NCOA3: variants seen among roughly 807,000 people sequenced by gnomAD.
NCOA3 encodes CBP-interacting protein.
NCOA3 carries 51 observed loss-of-function variants against 158.8 expected under a neutral mutation model. That is an observed-to-expected ratio of 0.32 (90% CI 0.26 to 0.41). The LOEUF is 0.41. Among genes scored for constraint, NCOA3 ranks in the 10% least tolerant of loss-of-function variants. NCOA3 has a pLI of 1.00. For synonymous variants in NCOA3, 537 were observed against 592.4 expected, an observed-to-expected ratio of 0.91 and a Z score of 1.36; for missense variants, 1,510 against 1,746.6, an observed-to-expected ratio of 0.86 and a Z score of 2.41.
At chr20:47,573,010 T>C (rs1204424251) in intron 1 of NCOA3, among the ~76,000 whole-genome samples, 2 of 152,166 alleles carry the variant, frequency 1.3e-5, no homozygotes, top group Non-Finnish European at 2.9e-5. Flanking sequence ...ATTGGAGCAG[T>C]GAGAATATAC....
Position 47,639,233 on chromosome 20 carries a change from ATT to A in NCOA3, c.2707+34_2707+35del, listed in dbSNP as rs1439206228. The A allele has an allele frequency of 1.9e-6, 3 of 1,546,064 alleles. No homozygotes were observed. In the African/African-American group the frequency reaches 4.1e-5, roughly 21 times the overall value. ...TTATTTCTAATTAGTATGTATGATT[ATT>A]TTGGGAAAAGCATATTTAAAATACT... On this transcript the variant is annotated intron_variant, in intron 14 of 22. Coordinates refer to ENST00000371998, the MANE Select transcript of NCOA3 (RefSeq NM_181659.3).
chr20:47,627,796 C>CA, intron 7 of NCOA3, 47 bp downstream of exon 7: 7 of 1,592,762 alleles, frequency 4.4e-6, no homozygotes, highest in Non-Finnish European at 5.1e-6. Flanking sequence ...AAATAGTGGC[C>CA]ATACTTGGAG....
chr20:47,519,540 G>A (rs2084292448), intron 1 of NCOA3, among the ~76,000 whole-genome samples: 1 of 152,152 alleles, frequency 6.6e-6, no homozygotes, highest in South Asian at 2.1e-4. Flanking sequence ...GAGAAACAAG[G>A]GAGAAGATGG....
intron 1 of NCOA3, among the ~76,000 whole-genome samples, chr20:47,531,788 G>A (rs971166895): frequency 6.6e-6 from 1 of 152,028 alleles, no homozygotes; most frequent in African/African-American, 2.4e-5. Context: ...TTTTACCTCT[G>A]TCAACTTTCC....
intron 1 of NCOA3, among the ~76,000 whole-genome samples, chr20:47,524,589 AATAG>A (rs1263206096): frequency 6.6e-6 from 1 of 152,188 alleles, no homozygotes; most frequent in Non-Finnish European, 1.5e-5. Flanking sequence ...CAGAAGGTTT[AATAG>A]ATAAGAAGTG....
intron 2 of NCOA3, among the ~76,000 whole-genome samples, chr20:47,604,915 G>A (rs1272178645): frequency 6.6e-6 from 1 of 152,110 alleles, no homozygotes; most frequent in African/African-American, 2.4e-5. Context: ...CACTCAGGCT[G>A]GAGTGCAGTG....
chr20:47,544,919 C>T (rs2084803776), intron 1 of NCOA3, among the ~76,000 whole-genome samples: 1 of 152,070 alleles, frequency 6.6e-6, no homozygotes, highest in South Asian at 2.1e-4. Context: ...TTCATTTTCT[C>T]TAATAAATTC....
intron 8 of NCOA3, chr20:47,630,304 CTTA>C (rs1161044692): frequency 6.6e-6 from 1 of 152,116 alleles, no homozygotes; most frequent in Non-Finnish European, 1.5e-5. Context: ...TTTCTGTCAG[CTTA>C]TTCAATATTA....
intron 2 of NCOA3, among the ~76,000 whole-genome samples, chr20:47,587,734 A>G (rs565790997): frequency 2.6e-5 from 4 of 152,138 alleles, no homozygotes; most frequent in Admixed American, 1.3e-4. Context: ...TTTTTGATCC[A>G]TGGATGCAGA....
rs961395844 is a variant in NCOA3 at position 47,644,081 on chromosome 20, G to GT, written c.3252+1706dup. On this transcript the variant is annotated intron_variant, in intron 17 of 22. Coordinates refer to ENST00000371998, the MANE Select transcript of NCOA3 (RefSeq NM_181659.3). ...TCTTTATTAACCTTATCTCTCCTGT[G>GT]TTTTTTTTTCTGACCTACTTTTCTG... is the stretch of plus-strand genomic sequence containing the variant. 7.6e-3 allele frequency among the ~76,000 whole-genome samples: 1,099 copies of GT among 144,842 alleles called. 14 individuals carry two copies. The highest frequency in any genetic ancestry group is 0.026 in the African/African-American group (1,032 of 39,412).
intron 1 of NCOA3, among the ~76,000 whole-genome samples, chr20:47,535,487 C>T (rs117164926): frequency 0.015 from 2,317 of 151,832 alleles, 19 homozygotes; most frequent in Non-Finnish European, 0.022. Flanking sequence ...CACACACGGA[C>T]TTGGAGAATG....
chr20:47,502,966 T>G (rs2146034166), intron 1 of NCOA3, among the ~76,000 whole-genome samples: 1 of 152,230 alleles, frequency 6.6e-6, no homozygotes, highest in South Asian at 2.1e-4. Flanking sequence ...AGTCGAAACT[T>G]TTTTCCCCCT....
chr20:47,510,958 TTGC>T (rs2084113786), intron 1 of NCOA3, among the ~76,000 whole-genome samples: 1 of 152,054 alleles, frequency 6.6e-6, no homozygotes, highest in Non-Finnish European at 1.5e-5. Flanking sequence ...CATCTTTAAT[TTGC>T]TGCTGCTTGG....
At chr20:47,593,504 G>A (rs1013234975) in intron 2 of NCOA3, among the ~76,000 whole-genome samples, 3 of 150,280 alleles carry the variant, frequency 2.0e-5, no homozygotes, top group African/African-American at 7.4e-5. Context: ...ACCACGCCCG[G>A]CTAATTTTTT....
chr20:47,568,082 A>G (rs569855603), intron 1 of NCOA3, among the ~76,000 whole-genome samples: 2 of 152,344 alleles, frequency 1.3e-5, no homozygotes, highest in African/African-American at 4.8e-5. Context: ...CTTTTGTTTT[A>G]TAGTCAGTAT....
At chr20:47,542,521 A>G (rs1448756712) in intron 1 of NCOA3, among the ~76,000 whole-genome samples, 3 of 152,162 alleles carry the variant, frequency 2.0e-5, no homozygotes, top group South Asian at 2.1e-4. Flanking sequence ...GTAACAAATT[A>G]TCTCCAAACT....
chr20:47,592,897 ATGTC>A (rs2085669997), intron 2 of NCOA3, among the ~76,000 whole-genome samples: 1 of 152,228 alleles, frequency 6.6e-6, no homozygotes, highest in African/African-American at 2.4e-5. Flanking sequence ...CAGTGAAAGT[ATGTC>A]TGTGGTTACT....
chr20:47,625,632 G>A (rs1452073140), intron 5 of NCOA3, 151 bp downstream of exon 5: 2 of 621,172 alleles, frequency 3.2e-6, no homozygotes, highest in African/African-American at 3.7e-5. Flanking sequence ...GAATATGATG[G>A]TAAAATGCTC....
At chr20:47,620,249 A>G (rs779067267) in intron 2 of NCOA3, among the ~76,000 whole-genome samples, 6 of 152,288 alleles carry the variant, frequency 3.9e-5, no homozygotes, top group Middle Eastern at 3.4e-3. Flanking sequence ...AGTTAATGCT[A>G]TAGGTGTGCA....
Sources: gnomAD v4.1 joint callset for allele counts (sites outside exome capture counted in the v4.1 genomes callset) on GRCh38, gnomAD v4.1.1 for gene constraint, MANE v1.5 for transcripts, NCBI Gene and HGNC (gene_info 2026-07-23, HGNC 2026-07-21) for gene names.